The following NTM variants were observed in gnomAD, a reference collection of about 807,000 sequenced individuals.
NTM encodes neurotrimin.
A neutral mutation model predicts 42.1 loss-of-function variants in NTM; 13 were observed. The ratio of observed to expected loss-of-function variants is 0.31; its 90% CI spans 0.20 to 0.49. The LOEUF (loss-of-function observed/expected upper bound fraction) is 0.49. Among genes scored for constraint, NTM ranks in the 20% least tolerant of loss-of-function variants. The probability of loss-of-function intolerance (pLI) is 0.99; values close to 1 mark genes in which losing one functional copy is unlikely to be tolerated. For synonymous variants in NTM, 187 were observed against 179.2 expected (o/e 1.04, Z -0.35); for missense variants, 373 against 452.8 (o/e 0.82, Z 1.60).
At chr11:131,385,150 T>G (rs941892370) in intron 1 of NTM, 2 of 152,242 alleles carry the variant, frequency 1.3e-5, no homozygotes, top group African/African-American at 4.8e-5. Flanking sequence ...TAGAAGAGCA[T>G]GTGGGAGACT....
At chr11:131,384,193 A>C (rs1259965165) in intron 1 of NTM, among the ~76,000 whole-genome samples, 1 of 150,830 alleles carries the variant, frequency 6.6e-6, no homozygotes, top group African/African-American at 2.5e-5. Flanking sequence ...ACACAGATAC[A>C]ACTAATTACC....
chr11:131,672,842 CGGGGTGGGGGTGGGGTGTG>C (rs2070595147), intron 1 of NTM, among the ~76,000 whole-genome samples: 2 of 94,106 alleles, frequency 2.1e-5, no homozygotes, highest in Non-Finnish European at 4.3e-5. Context: ...ACCACGGTGC[CGGGGTGGGGGTGGGGTGTG>C]ACCGTGTTCC....
chr11:131,805,339 T>G (rs2092420493), intron 1 of NTM, among the ~76,000 whole-genome samples: 1 of 152,202 alleles, frequency 6.6e-6, no homozygotes, highest in African/African-American at 2.4e-5. Context: ...ACCAGAATTC[T>G]ACCCATCCTA....
intron 1 of NTM, among the ~76,000 whole-genome samples, chr11:131,862,703 C>G (rs189123605): frequency 1.1e-4 from 17 of 152,302 alleles, no homozygotes; most frequent in Admixed American, 1.1e-3. Flanking sequence ...TGTGACTTTT[C>G]TGCTTTCATG....
chr11:132,153,506 G>A (rs1374248079), intron 3 of NTM, among the ~76,000 whole-genome samples: 1 of 152,088 alleles, frequency 6.6e-6, no homozygotes, highest in Non-Finnish European at 1.5e-5. Context: ...GGTTTCAGAA[G>A]GTCACCCATA....
intron 1 of NTM, among the ~76,000 whole-genome samples, chr11:131,904,852 T>C (rs1565704191): frequency 6.6e-6 from 1 of 152,012 alleles, no homozygotes; most frequent in East Asian, 1.9e-4. Context: ...GGGTGGGAGC[T>C]GGGGGGCCAC....
At chr11:131,850,057 C>A (rs2045359794) in intron 1 of NTM, among the ~76,000 whole-genome samples, 1 of 151,624 alleles carries the variant, frequency 6.6e-6, no homozygotes, top group Non-Finnish European at 1.5e-5. Flanking sequence ...GTTGCGGTGA[C>A]CATCAACAGT....
At chr11:131,386,660 C>T (rs1943353178) in intron 1 of NTM, among the ~76,000 whole-genome samples, 1 of 152,218 alleles carries the variant, frequency 6.6e-6, no homozygotes. Flanking sequence ...TCCAGGTCCA[C>T]ATGTTTGTGT....
intron 4 of NTM, among the ~76,000 whole-genome samples, chr11:132,259,459 A>G (rs2092707931): frequency 6.6e-6 from 1 of 152,034 alleles, no homozygotes; most frequent in Non-Finnish European, 1.5e-5. Context: ...AGGAGGGTGG[A>G]TCACAAGGTC....
At chr11:131,379,518 G>C (rs913457638) in intron 1 of NTM, among the ~76,000 whole-genome samples, 1 of 152,162 alleles carries the variant, frequency 6.6e-6, no homozygotes, top group African/African-American at 2.4e-5. Context: ...TGTGGCAATT[G>C]AATCAACCTC....
intron 8 of NTM, among the ~76,000 whole-genome samples, chr11:132,334,567 C>A (rs563608824): frequency 9.9e-5 from 15 of 152,206 alleles, no homozygotes; most frequent in African/African-American, 3.6e-4. Flanking sequence ...AGCAGGCAGA[C>A]ACATTGTTTT....
At chr11:131,623,709 C>T (rs914561739) in intron 1 of NTM, among the ~76,000 whole-genome samples, 1 of 152,226 alleles carries the variant, frequency 6.6e-6, no homozygotes, top group African/African-American at 2.4e-5. Context: ...TCCAGTGTGT[C>T]CCCCTCTGGG....
chr11:131,986,254 G>A (rs950495607), intron 2 of NTM, among the ~76,000 whole-genome samples: 4 of 152,162 alleles, frequency 2.6e-5, no homozygotes, highest in Admixed American at 6.5e-5. Flanking sequence ...TCTGCTGGCT[G>A]TTCACATGAA....
intron 1 of NTM, chr11:131,455,386 C>A (rs1450183331): frequency 6.6e-6 from 1 of 152,282 alleles, no homozygotes; most frequent in African/African-American, 2.4e-5. Flanking sequence ...CACTGTCAGA[C>A]CACTGAGCTC....
At chr11:131,795,947 G>T in intron 1 of NTM, 1 of 981,406 alleles carries the variant, frequency 1.0e-6, no homozygotes, top group Non-Finnish European at 1.2e-6. Flanking sequence ...CATGGAAGTG[G>T]TTAGGATATT....
chr11:131,905,579 A>C (rs1226468166), intron 1 of NTM, among the ~76,000 whole-genome samples: 1 of 151,912 alleles, frequency 6.6e-6, no homozygotes, highest in Non-Finnish European at 1.5e-5. Flanking sequence ...TTCCTTAGGG[A>C]AGTTTCCTGA....
intron 1 of NTM, among the ~76,000 whole-genome samples, chr11:131,517,895 A>G (rs2049102230): frequency 6.6e-6 from 1 of 152,100 alleles, no homozygotes; most frequent in East Asian, 1.9e-4. Flanking sequence ...AATATTCTGG[A>G]TATCAGCTTA....
At chr11:132,255,066 A>C (rs1203193851) in intron 4 of NTM, among the ~76,000 whole-genome samples, 1 of 152,230 alleles carries the variant, frequency 6.6e-6, no homozygotes, top group East Asian at 1.9e-4. Flanking sequence ...CTAGAACCAC[A>C]TGCGGAGTTG....
chr11:131,757,231 C>A (rs2083457790), intron 1 of NTM, among the ~76,000 whole-genome samples: 1 of 152,356 alleles, frequency 6.6e-6, no homozygotes, highest in East Asian at 1.9e-4. Flanking sequence ...AGAAAGATCA[C>A]TTCTTTCTTT....
Sources: gnomAD v4.1 joint callset for allele counts (sites outside exome capture counted in the v4.1 genomes callset) on GRCh38, gnomAD v4.1.1 for gene constraint, MANE v1.5 for transcripts, NCBI Gene and HGNC (gene_info 2026-07-23, HGNC 2026-07-21) for gene names.